Variants in ZNF423 observed in about 807,000 individuals in gnomAD.
ZNF423 encodes Ebf-associated zinc finger protein.
Under a neutral mutation model 95.8 loss-of-function variants are expected in ZNF423, and 12 were observed. That is an observed-to-expected ratio of 0.13 (90% CI 0.08 to 0.20). The LOEUF is 0.20. Ranked by LOEUF, ZNF423 falls within the 10% of genes least tolerant of loss-of-function variation. ZNF423 has a pLI of 1.00. For missense variants in ZNF423, 1,316 were observed against 1,737.1 expected, an observed-to-expected ratio of 0.76 and a Z score of 4.31; for synonymous variants, 749 against 711.9, an observed-to-expected ratio of 1.05 and a Z score of -0.83.
chr16:49,530,074 C>T (rs1274882513), intron 5 of ZNF423, among the ~76,000 whole-genome samples: 1 of 152,170 alleles, frequency 6.6e-6, no homozygotes, highest in Non-Finnish European at 1.5e-5. Context: ...TGGGTTTGAG[C>T]CCTAGTTCCA....
chr16:49,688,672 C>A lies in ZNF423; in HGVS notation c.301+42099G>T, dbSNP rs541269009. On this transcript the variant is annotated intron_variant, in intron 3 of 7. Coordinates refer to ENST00000563137, the MANE Select transcript of ZNF423 (RefSeq NM_001379286.1). ...AATTAAAGCATTTACAGCACTCATG[C>A]TCTTAAAACACATCCACAAACAATG... Among the ~76,000 whole-genome samples the A allele has an allele frequency of 5.3e-5, 8 of 152,336 alleles. No homozygotes were observed. In the East Asian group the frequency reaches 1.5e-3, roughly 29 times the overall value.
chr16:49,818,575 T>C (rs1022791148), intron 1 of ZNF423, among the ~76,000 whole-genome samples: 2 of 151,504 alleles, frequency 1.3e-5, no homozygotes, highest in African/African-American at 4.8e-5. Context: ...AACACAGAGA[T>C]ACCCCATGTC....
At position 49,490,878 on chromosome 16, in the gene ZNF423, T is replaced by TG. The variant is rs1205347882; in HGVS notation, c.*396dup. Reference sequence around the variant, plus strand: ...GTAGTTAACCGAAGGGGGTGGGGGGTGGGGGGGAAGAAAAACAAGAAAGAA... The same window carrying TG: ...GTAGTTAACCGAAGGGGGTGGGGGGTGGGGGGGGAAGAAAAACAAGAAAGAA... On this transcript the variant is annotated 3_prime_UTR_variant, in exon 8 of 8. Coordinates refer to ENST00000563137, the MANE Select transcript of ZNF423 (RefSeq NM_001379286.1). 12 of 34,958 alleles carry TG rather than the reference T, an allele frequency of 3.4e-4. 1 individual carries two copies. The highest frequency in any genetic ancestry group is 0.011 in the Middle Eastern group (1 of 90). The allele number at this position is 34,958 out of a possible 1,614,324, so 2.2% of individuals were successfully genotyped here. A position where few individuals can be genotyped will look rare whatever the true frequency, so the allele number is the denominator to read the frequency against.
intron 7 of ZNF423, among the ~76,000 whole-genome samples, chr16:49,501,469 G>C (rs544095060): frequency 6.6e-6 from 1 of 152,294 alleles, no homozygotes; most frequent in South Asian, 2.1e-4. Context: ...GCAGTTTGGA[G>C]ATTTTTCAAA....
At position 49,626,239 on chromosome 16, in the gene ZNF423, A is replaced by G; in HGVS notation, c.3532T>C (p.Cys1178Arg). Residue 1178 changes from cysteine (C) to arginine (R), a missense_variant, in exon 5 of 8, where the codon TGC (cysteine) becomes CGC (arginine). Around this residue, in one of 6 missense-constraint regions of ZNF423, gnomAD observed 75 missense variants for 163.5 expected, o/e 0.46. Transcript: ENST00000563137. ...SPVPRKKTYQCIKCQMTFENE... is the reference protein window; with the variant it reads ...SPVPRKKTYQRIKCQMTFENE... ...TCGAAGGTCATCTGGCACTTGATGC[A>G]CTGGTATGTCTTTTTCTGTTTGGAA... The G allele has an allele frequency of 1.2e-6, 2 of 1,613,988 alleles. No individual in the cohort carries two copies. The highest frequency in any genetic ancestry group is 8.5e-7 in the Non-Finnish European group (1 of 1,179,892).
intron 4 of ZNF423, among the ~76,000 whole-genome samples, chr16:49,632,649 A>G (rs1972544988): frequency 6.6e-6 from 1 of 152,082 alleles, no homozygotes; most frequent in Admixed American, 6.5e-5. Context: ...ATCCTTGGGT[A>G]TATGGCATCA....
chr16:49,550,423 G>C (rs1339292952), intron 5 of ZNF423, among the ~76,000 whole-genome samples: 1 of 152,204 alleles, frequency 6.6e-6, no homozygotes, highest in Non-Finnish European at 1.5e-5. Context: ...TTGCTAATGG[G>C]TTGCAGCCTG....
At chr16:49,787,840 G>A (rs560044842) in intron 2 of ZNF423, among the ~76,000 whole-genome samples, 2 of 152,238 alleles carry the variant, frequency 1.3e-5, no homozygotes, top group African/African-American at 4.8e-5. Context: ...AGACAACACT[G>A]GGCTGAGTGC....
intron 3 of ZNF423, among the ~76,000 whole-genome samples, chr16:49,649,680 G>GAGAA (rs1286443217): frequency 2.0e-5 from 3 of 151,882 alleles, no homozygotes. Flanking sequence ...GGGAGAGAGA[G>GAGAA]AGAGAGAGAG....
intron 2 of ZNF423, among the ~76,000 whole-genome samples, chr16:49,732,309 G>C (rs1275120210): frequency 6.6e-6 from 1 of 152,192 alleles, no homozygotes; most frequent in Non-Finnish European, 1.5e-5. Context: ...AAGTGCAAAA[G>C]CGTGTGGTAA....
Position 49,636,578 on chromosome 16 carries a change from C to T in ZNF423, c.2598G>A (p.Leu866=). The T allele has an allele frequency of 6.2e-7, 1 of 1,613,946 alleles. No individual in the cohort carries two copies. ...MATKKAEPAD[L]QGMLLKNPEA... is the part of the protein sequence containing the mutation. ...CAGGGTTCTTAAGCAGCATGCCCTG[C>T]AGGTCAGCAGGCTCAGCTTTCTTGG... The change falls in exon 4 of 8, where the codon CTG becomes CTA. Residue 866 remains leucine, a synonymous_variant. Transcript: ENST00000563137. The surrounding 1 kb of genome is among the most constrained non-coding windows in gnomAD (Gnocchi z 8.6).
At chr16:49,704,996 C>G (rs2032304753) in intron 3 of ZNF423, among the ~76,000 whole-genome samples, 1 of 152,214 alleles carries the variant, frequency 6.6e-6, no homozygotes, top group South Asian at 2.1e-4. Context: ...TGCACCCACT[C>G]CTGCCTAGCC....
At chr16:49,495,334 G>A (rs1967120188) in intron 7 of ZNF423, among the ~76,000 whole-genome samples, 1 of 152,162 alleles carries the variant, frequency 6.6e-6, no homozygotes, top group Non-Finnish European at 1.5e-5. Flanking sequence ...ATAGCCAAGG[G>A]GATGGCATGG....
At chr16:49,741,197 C>CT (rs34805157) in intron 2 of ZNF423, among the ~76,000 whole-genome samples, 21 of 148,492 alleles carry the variant, frequency 1.4e-4, no homozygotes, top group Middle Eastern at 3.5e-3. Context: ...ACACCTGCTG[C>CT]TTTTTTTTTT....
At chr16:49,717,980 A>G (rs753052549) in intron 3 of ZNF423, among the ~76,000 whole-genome samples, 1 of 152,186 alleles carries the variant, frequency 6.6e-6, no homozygotes, top group Non-Finnish European at 1.5e-5. Flanking sequence ...ACCAACTCAT[A>G]GGAGTACATT....
chr16:49,720,209 A>G (rs2032826259), intron 3 of ZNF423, among the ~76,000 whole-genome samples: 1 of 152,122 alleles, frequency 6.6e-6, no homozygotes, highest in Non-Finnish European at 1.5e-5. Context: ...GGTCAAAGTC[A>G]CTCTTCCACA....
chr16:49,643,821 G>C, intron 3 of ZNF423, among the ~76,000 whole-genome samples: 1 of 152,152 alleles, frequency 6.6e-6, no homozygotes, highest in East Asian at 1.9e-4. Flanking sequence ...AAGCATAAAA[G>C]AGGAGAGAAT....
chr16:49,787,926 C>T (rs528151310), intron 2 of ZNF423, among the ~76,000 whole-genome samples: 1 of 152,348 alleles, frequency 6.6e-6, no homozygotes, highest in South Asian at 2.1e-4. Context: ...CACCCCTCGT[C>T]TCTCAGGAGG....
intron 1 of ZNF423, among the ~76,000 whole-genome samples, chr16:49,820,917 C>CA (rs1164674281): frequency 1.3e-5 from 2 of 152,182 alleles, no homozygotes; most frequent in Non-Finnish European, 2.9e-5. Flanking sequence ...CATATGTCCA[C>CA]AAAATGTTTC....
Sources: allele counts gnomAD v4.1 joint callset (sites outside exome capture counted in the v4.1 genomes callset), GRCh38; gene constraint gnomAD v4.1.1; regional missense constraint gnomAD v4.1.1; non-coding constraint Gnocchi (gnomAD v3.1); transcripts MANE v1.5; gene names NCBI Gene and HGNC (gene_info 2026-07-23, HGNC 2026-07-21).